TOX4: variants seen among roughly 807,000 people sequenced by gnomAD.
TOX4 encodes the protein epidermal Langerhans cell protein LCP1.
A neutral mutation model predicts 61.0 loss-of-function variants in TOX4; 12 were observed. That is an observed-to-expected ratio of 0.20 (90% CI 0.13 to 0.32). The LOEUF is 0.32. Among genes scored for constraint, TOX4 ranks in the 10% least tolerant of loss-of-function variants. TOX4 has a pLI of 1.00. For missense variants in TOX4, 499 were observed against 753.3 expected (o/e 0.66, Z 3.95); for synonymous variants, 268 against 274.8 (o/e 0.98, Z 0.24).
chr14:21,486,389 A>T (rs1363007028), intron 2 of TOX4, among the ~76,000 whole-genome samples: 1 of 98,438 alleles, frequency 1.0e-5, no homozygotes, highest in African/African-American at 3.9e-5. Flanking sequence ...ATCATTCATA[A>T]CAATGGTTAA....
chr14:21,477,285 G>T lies in TOX4; in HGVS notation c.6+1G>T. ...TGGGAGCGGTTGTGTGAAGATGGAG[G>T]TAGGAACCTGATAGCTAAGAAGGCT... On this transcript the variant is annotated splice_donor_variant, in intron 1 of 8. Coordinates refer to ENST00000448790, the MANE Select transcript of TOX4 (RefSeq NM_014828.4). LOFTEE classifies it high-confidence loss of function. The T allele has an allele frequency of 6.2e-7, 1 of 1,614,078 alleles. No homozygotes were observed. The highest frequency in any genetic ancestry group is 8.5e-7 in the Non-Finnish European group (1 of 1,179,966).
chr14:21,490,505 C>T (rs1333493349), intron 5 of TOX4, among the ~76,000 whole-genome samples: 7 of 152,156 alleles, frequency 4.6e-5, no homozygotes, highest in Non-Finnish European at 8.8e-5. Context: ...TACAGAAGTA[C>T]TGCATCTTTA....
chr14:21,488,272 G>T, intron 3 of TOX4: 1 of 256,584 alleles, frequency 3.9e-6, no homozygotes, highest in Non-Finnish European at 7.5e-6. Flanking sequence ...AGTACAGATA[G>T]GAAGTTTTTC....
Position 21,486,074 on chromosome 14 carries a change from T to C in TOX4, c.76-1377T>C, listed in dbSNP as rs1218273173. ...AAAATTAGCTGGGTGTGGTGGCACA[T>C]ACCTGTAGTCCCAGCTACTCGGGAG... is the stretch of plus-strand genomic sequence containing the variant. On this transcript the variant is annotated intron_variant, in intron 2 of 8. Transcript: ENST00000448790. Among the ~76,000 whole-genome samples, 12 of 101,170 alleles carry C rather than the reference T, an allele frequency of 1.2e-4. 5 individuals carry two copies. The highest frequency in any genetic ancestry group is 4.5e-4 in the African/African-American group (12 of 26,402). The allele number at this position is 101,170 out of a possible 152,430, so 66.4% of individuals were successfully genotyped here.
At position 21,498,427 on chromosome 14, in the gene TOX4, T is replaced by C; in HGVS notation, c.*1821T>C. On this transcript the variant is annotated 3_prime_UTR_variant, in exon 9 of 9. Transcript: ENST00000448790. Reference sequence around the variant, plus strand: ...AATCCTGGAATTAGAGGGTTTAATATTGTTAAAAAATGCATACCAAATGAA... The same window carrying C: ...AATCCTGGAATTAGAGGGTTTAATACTGTTAAAAAATGCATACCAAATGAA... The C allele has an allele frequency of 1.9e-6, 3 of 1,552,414 alleles. No individual in the cohort carries two copies. Among genetic ancestry groups the C allele is most frequent in the Non-Finnish European group, 2.7e-6 (3 of 1,131,718 alleles).
chr14:21,488,681 G>A lies in TOX4; in HGVS notation c.410G>A (p.Gly137Glu). 6.2e-7 allele frequency: 1 copy of A among 1,614,090 alleles called. No homozygotes were observed. The highest frequency in any genetic ancestry group is 8.5e-7 in the Non-Finnish European group (1 of 1,180,014). Residue 137 changes from glycine (G) to glutamate (E), a missense_variant, in exon 4 of 9, where the codon GGG becomes GAG. Gly to Glu is a moderately conservative substitution (Grantham distance 98). Coordinates refer to ENST00000448790, the MANE Select transcript of TOX4 (RefSeq NM_014828.4). Reference protein sequence around the residue: ...PMTDMTSGLMGHSQLTTIDQS... With the variant: ...PMTDMTSGLMEHSQLTTIDQS... ...ACAGACATGACATCTGGCTTGATGG[G>A]GCATAGCCAGTTGACCACCATTGAT...
chr14:21,492,846 C>G lies in TOX4; in HGVS notation c.1230C>G (p.Ile410Met). The G allele has an allele frequency of 6.2e-7, 1 of 1,613,844 alleles. No homozygotes were observed. Among genetic ancestry groups the G allele is most frequent in the Non-Finnish European group, 8.5e-7 (1 of 1,179,868 alleles). The part of the protein sequence containing the change: ...LQLGQTSTAT[I>M]QPSQQAQIVT... ...TAGGCCAAACCAGTACAGCTACTAT[C>G]CAGCCCAGTCAACAAGCCCAGATTG... is the stretch of plus-strand genomic sequence containing the variant. Residue 410 changes from isoleucine (I) to methionine (M), a missense_variant, in exon 7 of 9, where the codon ATC becomes ATG. This residue lies in a region of TOX4 where 296 missense variants were observed against 404.7 expected (regional missense o/e 0.73). Coordinates refer to ENST00000448790, the MANE Select transcript of TOX4 (RefSeq NM_014828.4).
In TOX4 at chr14:21,488,676, G is replaced by A; in HGVS notation, c.405G>A (p.Leu135=). 6.2e-7 allele frequency: 1 copy of A among 1,614,152 alleles called. No individual in the cohort carries two copies. Among genetic ancestry groups the A allele is most frequent in the Non-Finnish European group, 8.5e-7 (1 of 1,180,036 alleles). ...CAATGACAGACATGACATCTGGCTT[G>A]ATGGGGCATAGCCAGTTGACCACCA... is the stretch of plus-strand genomic sequence containing the variant. ...DVPMTDMTSG[L]MGHSQLTTID... Residue 135 remains leucine, a synonymous_variant, in exon 4 of 9, where the codon TTG becomes TTA. Transcript: ENST00000448790.
At chr14:21,494,876 G>A (rs1482631557) in intron 7 of TOX4, among the ~76,000 whole-genome samples, 1 of 151,802 alleles carries the variant, frequency 6.6e-6, no homozygotes, top group African/African-American at 2.4e-5. Flanking sequence ...CTGAGATTGT[G>A]CCACAGCACT....
At position 21,496,590 on chromosome 14, in the gene TOX4, T is replaced by C; in HGVS notation, c.1850T>C (p.Val617Ala). The C allele has an allele frequency of 1.2e-6, 2 of 1,611,898 alleles. No individual in the cohort carries two copies. Among genetic ancestry groups the C allele is most frequent in the Non-Finnish European group, 1.7e-6 (2 of 1,179,168 alleles). Residue 617 changes from valine (V) to alanine (A), a missense_variant, in exon 9 of 9, where the codon GTG becomes GCG. Physicochemically the swap from Val to Ala is moderately conservative, Grantham distance 64. Coordinates refer to ENST00000448790, the MANE Select transcript of TOX4 (RefSeq NM_014828.4). ...GTAGCCTCTAGAAATTCAAACACAGTGGTGTTTGTGAAATAGTCCTTCCTG... is the reference window on the plus strand; with the variant it reads ...GTAGCCTCTAGAAATTCAAACACAGCGGTGTTTGTGAAATAGTCCTTCCTG... ...AWVASRNSNT[V>A]VFVK
chr14:21,482,068 GTAA>G (rs1891116191), intron 2 of TOX4, among the ~76,000 whole-genome samples: 1 of 152,170 alleles, frequency 6.6e-6, no homozygotes, highest in South Asian at 2.1e-4. Flanking sequence ...ATAAGAAATA[GTAA>G]TAATTTCAAA....
rs770191924 is a variant in TOX4, at chr14:21,477,233, G to A, written c.-46G>A. The A allele has an allele frequency of 9.3e-6, 15 of 1,613,770 alleles. No homozygotes were observed. Among genetic ancestry groups the A allele is most frequent in the African/African-American group, 5.3e-5 (4 of 74,926 alleles). On this transcript the variant is annotated 5_prime_UTR_variant, in exon 1 of 9. Transcript: ENST00000448790. ...CGGCAGTTCCGAGTCCAGTGGGGGCGGTGGGAGCGATGAGGGTCTGAGACG... is the reference window on the plus strand; with the variant it reads ...CGGCAGTTCCGAGTCCAGTGGGGGCAGTGGGAGCGATGAGGGTCTGAGACG...
intron 3 of TOX4, 151 bp downstream of exon 3, chr14:21,487,844 T>A: frequency 1.2e-6 from 1 of 820,468 alleles, no homozygotes; most frequent in South Asian, 4.3e-5. Context: ...TTCACCTGAA[T>A]AAATGAAATT....
Position 21,492,883 on chromosome 14 carries a change from G to C in TOX4, c.1267G>C (p.Val423Leu). Reference sequence around the variant, plus strand: ...ACAAGCCCAGATTGTCACTCGGTCAGTGTTGCAGGCAGCAGCAGCTGCTGC... The same window carrying C: ...ACAAGCCCAGATTGTCACTCGGTCACTGTTGCAGGCAGCAGCAGCTGCTGC... ...SQQAQIVTRSVLQAAAAAAAA... is the reference protein window; with the variant it reads ...SQQAQIVTRSLLQAAAAAAAA... Residue 423 changes from valine to leucine, a missense_variant, in exon 7 of 9, where the codon GTG (valine) becomes CTG (leucine). Physicochemically the swap from Val to Leu is conservative, Grantham distance 32 (BLOSUM62 1). Transcript: ENST00000448790. The C allele has an allele frequency of 6.2e-7, 1 of 1,609,046 alleles. No individual in the cohort carries two copies. The highest frequency in any genetic ancestry group is 8.5e-7 in the Non-Finnish European group (1 of 1,178,710).
intron 2 of TOX4, among the ~76,000 whole-genome samples, chr14:21,480,352 TTCCTTTGCCTAAGGC>T (rs1891087003): frequency 6.6e-6 from 1 of 152,190 alleles, no homozygotes; most frequent in Non-Finnish European, 1.5e-5. Flanking sequence ...TTTCAGTAGC[TTCCTTTGCCTAAGGC>T]TCCTGTCATT....
At position 21,495,335 on chromosome 14, in the gene TOX4, T is replaced by C. The variant is rs1227698144; in HGVS notation, c.1748T>C (p.Val583Ala). The C allele has an allele frequency of 6.2e-7, 1 of 1,614,156 alleles. No homozygotes were observed. Among genetic ancestry groups the C allele is most frequent in the African/African-American group, 1.3e-5 (1 of 75,030 alleles). Residue 583 changes from valine to alanine, a missense_variant, in exon 8 of 9, where the codon GTG becomes GCG. Around this residue, in one of 7 missense-constraint regions of TOX4, gnomAD observed 296 missense variants for 404.7 expected, o/e 0.73. Coordinates refer to ENST00000448790, the MANE Select transcript of TOX4 (RefSeq NM_014828.4). ...TCTGGTTGTGAGAACCCTCCCATTG[T>C]GAGTAAGGACTGGGACAATGAATAC... ...VRSGCENPPI[V>A]SKDWDNEYCS... is the part of the protein sequence containing the mutation.
At chr14:21,489,705 A>G (rs1218697923) in intron 5 of TOX4, among the ~76,000 whole-genome samples, 3 of 151,834 alleles carry the variant, frequency 2.0e-5, no homozygotes, top group Non-Finnish European at 4.4e-5. Context: ...CAGCCTCCCG[A>G]GTAGCTGGGA....
Position 21,477,497 on chromosome 14 carries a change from T to G in TOX4, c.8T>G (p.Phe3Cys), listed in dbSNP as rs775720758. The G allele has an allele frequency of 6.2e-6, 10 of 1,613,328 alleles. No homozygotes were observed. The highest frequency in any genetic ancestry group is 5.9e-6 in the Non-Finnish European group (7 of 1,180,034). ...CCGCGACTTTCTTTTGGTTTCCAGT[T>G]TCCCGGAGGAAATGACAATTACCTG... ME[F>C]PGGNDNYLTI... The change falls in exon 2 of 9, where the codon TTT (phenylalanine) becomes TGT (cysteine). Residue 3 changes from phenylalanine to cysteine, a missense_variant and splice_region_variant. By Grantham distance (205) the Phe-to-Cys change is radical (BLOSUM62 -2). Transcript: ENST00000448790.
chr14:21,486,961 C>T (rs1891200194), intron 2 of TOX4, among the ~76,000 whole-genome samples: 4 of 152,196 alleles, frequency 2.6e-5, no homozygotes, highest in Admixed American at 2.6e-4. Flanking sequence ...CATGACAGTA[C>T]ATTTTAGCAT....
Sources: allele counts gnomAD v4.1 joint callset (sites outside exome capture counted in the v4.1 genomes callset), GRCh38; gene constraint gnomAD v4.1.1; regional missense constraint gnomAD v4.1.1; transcripts MANE v1.5; gene names NCBI Gene and HGNC (gene_info 2026-07-23, HGNC 2026-07-21).